The following CACNA1C variants were observed in gnomAD, a reference collection of about 807,000 sequenced individuals.
CACNA1C encodes the protein voltage-dependent L-type calcium channel subunit alpha-1C.
CACNA1C carries 30 observed loss-of-function variants against 229.0 expected under a neutral mutation model. That is an observed-to-expected ratio of 0.13 (90% CI 0.10 to 0.18). The LOEUF (loss-of-function observed/expected upper bound fraction) is 0.18. Ranked by LOEUF, CACNA1C falls within the 10% of genes least tolerant of loss-of-function variation. The probability of loss-of-function intolerance (pLI) is 1.00; values close to 1 mark genes in which losing one functional copy is unlikely to be tolerated. For missense variants in CACNA1C, 1,658 were observed against 2,845.0 expected (o/e 0.58, Z 9.49); for synonymous variants, 1,114 against 1,132.5 (o/e 0.98, Z 0.33).
At chr12:2,671,066 G>A (rs1329550141) in intron 38 of CACNA1C, among the ~76,000 whole-genome samples, 1 of 150,936 alleles carries the variant, frequency 6.6e-6, no homozygotes, top group Non-Finnish European at 1.5e-5. Flanking sequence ...CCAGGCTGGA[G>A]TGCAGTGGCA....
rs764364141 is a variant in CACNA1C at position 2,138,768 on chromosome 12, G to A, written c.477+18338G>A. On this transcript the variant is annotated intron_variant, in intron 3 of 46. Transcript: ENST00000399655. ...GATGCTAGAGCCATGCCTCTTGTGC[G>A]GCCTGCAGAACCGTGAGCCAAATAC... Among the ~76,000 whole-genome samples the A allele has an allele frequency of 2.6e-4, 40 of 151,170 alleles. 2 individuals are homozygous for A. Among genetic ancestry groups the A allele is most frequent in the Middle Eastern group, 3.4e-3 (1 of 294 alleles).
At chr12:2,637,642 C>T (rs1017470998) in intron 30 of CACNA1C, among the ~76,000 whole-genome samples, 8 of 152,258 alleles carry the variant, frequency 5.3e-5, no homozygotes, top group East Asian at 1.9e-4. Context: ...TAGATTCTGC[C>T]TCCAGGGCAT....
intron 10 of CACNA1C, among the ~76,000 whole-genome samples, chr12:2,552,291 G>A (rs1440968119): frequency 6.6e-6 from 1 of 151,110 alleles, no homozygotes; most frequent in Non-Finnish European, 1.5e-5. Context: ...TCTAGTGTGG[G>A]AGAGACACTA....
At position 2,577,187 on chromosome 12, in the gene CACNA1C, CTCTG is replaced by C. The variant is rs138208506; in HGVS notation, c.1896-4386_1896-4383del. Reference sequence around the variant, plus strand: ...AGACAAACAGCACAAACAACCATATCTCTGTCTGTCTGTCTGTCTGAGCCATGTT... The same window carrying C: ...AGACAAACAGCACAAACAACCATATCTCTGTCTGTCTGTCTGAGCCATGTT... On this transcript the variant is annotated intron_variant, in intron 13 of 46. Transcript: ENST00000399655. Among the ~76,000 whole-genome samples the C allele has an allele frequency of 6.5e-3, 985 of 152,342 alleles. 17 individuals are homozygous for C. Among genetic ancestry groups the C allele is most frequent in the African/African-American group, 0.022 (923 of 41,578 alleles).
At chr12:2,189,154 C>T (rs188622977) in intron 3 of CACNA1C, among the ~76,000 whole-genome samples, 12 of 147,894 alleles carry the variant, frequency 8.1e-5, no homozygotes, top group Admixed American at 2.7e-4. Flanking sequence ...AACAGCTCAG[C>T]TTTTCTAAGT....
chr12:2,551,274 C>T (rs2099901760), intron 10 of CACNA1C, among the ~76,000 whole-genome samples: 1 of 152,122 alleles, frequency 6.6e-6, no homozygotes, highest in African/African-American at 2.4e-5. Flanking sequence ...ACCAGGAAGT[C>T]ACTTGATAGT....
rs1350891020 is a variant in CACNA1C, at chr12:2,054,112, G to A, written c.49+501G>A. Among the ~76,000 whole-genome samples the A allele has an allele frequency of 2.0e-5, 3 of 150,436 alleles. No individual in the cohort carries two copies. Among genetic ancestry groups the A allele is most frequent in the African/African-American group, 7.3e-5 (3 of 41,222 alleles). On this transcript the variant is annotated intron_variant, in intron 1 of 46. Coordinates refer to ENST00000399655, the MANE Select transcript of CACNA1C (RefSeq NM_000719.7). This position sits in a 1 kb window ranked among gnomAD's most constrained non-coding sequence, Gnocchi z 5.5. The stretch of plus-strand genomic sequence containing the variant: ...CCCCTGGGGCGCCCTCGCGCTGCCC[G>A]GCGTCCACTCTCGTCCAGGCGCCCC...
At chr12:2,500,598 C>T (rs1456619300) in intron 7 of CACNA1C, among the ~76,000 whole-genome samples, 1 of 152,166 alleles carries the variant, frequency 6.6e-6, no homozygotes, top group Non-Finnish European at 1.5e-5. Context: ...GTCGTGGCCT[C>T]CTGGAACTGG....
chr12:2,559,101 CT>C (rs2046158412), intron 11 of CACNA1C, among the ~76,000 whole-genome samples: 3 of 152,190 alleles, frequency 2.0e-5, no homozygotes, highest in African/African-American at 7.2e-5. Flanking sequence ...AGACAATAGA[CT>C]TGACACAGAT....
At chr12:2,658,851 GC>G (rs2095558155) in intron 34 of CACNA1C, among the ~76,000 whole-genome samples, 1 of 150,520 alleles carries the variant, frequency 6.6e-6, no homozygotes, top group Non-Finnish European at 1.5e-5. Flanking sequence ...TTAACAAAAA[GC>G]TAAAATTAAA....
chr12:2,361,278 T>A (rs566292958), intron 3 of CACNA1C, among the ~76,000 whole-genome samples: 83 of 152,232 alleles, frequency 5.5e-4, no homozygotes, highest in African/African-American at 1.9e-3. Flanking sequence ...TAAGAAAAAT[T>A]GCTAGCTGAC....
chr12:2,301,366 T>C (rs1256484783), intron 3 of CACNA1C, among the ~76,000 whole-genome samples: 1 of 152,176 alleles, frequency 6.6e-6, no homozygotes, highest in African/African-American at 2.4e-5. Context: ...AATTCTGTGA[T>C]CAGGCAAGGT....
intron 3 of CACNA1C, among the ~76,000 whole-genome samples, chr12:2,440,038 C>T (rs1307604955): frequency 6.6e-6 from 1 of 152,192 alleles, no homozygotes; most frequent in Non-Finnish European, 1.5e-5. Flanking sequence ...TAGGCTCACC[C>T]TGCGCATCTG....
chr12:2,053,733 G>A lies in CACNA1C; in HGVS notation c.49+122G>A. On this transcript the variant is annotated intron_variant, in intron 1 of 46. Transcript: ENST00000399655. This position sits in a 1 kb window ranked among gnomAD's most constrained non-coding sequence, Gnocchi z 5.8. ...CGGAGTGGCCCGGGGCCGCGTCCGC[G>A]AGGGGCGCCTCCGCCTCGTCGGAGC... is the stretch of plus-strand genomic sequence containing the variant. 1 of 998,702 alleles carries A rather than the reference G, an allele frequency of 1.0e-6. No individual in the cohort carries two copies. The highest frequency in any genetic ancestry group is 1.3e-6 in the Non-Finnish European group (1 of 785,238). 61.9% of individuals were successfully genotyped at this position (998,702 alleles called of 1,614,324 possible).
At position 2,665,460 on chromosome 12, in the gene CACNA1C, G is replaced by A; in HGVS notation, c.4399-121G>A. 6 of 1,054,834 alleles carry A rather than the reference G, an allele frequency of 5.7e-6. No homozygotes were observed. The highest frequency in any genetic ancestry group is 4.3e-6 in the Non-Finnish European group (3 of 695,112). 65.3% of individuals were successfully genotyped at this position (1,054,834 alleles called of 1,614,324 possible). ...CCCAGGTTCTCAGGCTGGTAGGATG[G>A]ATGACTGGTCTTTAGAAATGTTGGC... is the stretch of plus-strand genomic sequence containing the variant. On this transcript the variant is annotated intron_variant, in intron 35 of 46. Transcript: ENST00000399655. The surrounding 1 kb of genome is among the most constrained non-coding windows in gnomAD (Gnocchi z 5.9).
chr12:1,988,461 G>T (rs1477429631), intron 1 of CACNA1C, among the ~76,000 whole-genome samples: 1 of 152,140 alleles, frequency 6.6e-6, no homozygotes, highest in Non-Finnish European at 1.5e-5. Context: ...CATTCTGCAG[G>T]GTGGGTCAAT....
chr12:2,457,107 T>C (rs1343422528), intron 4 of CACNA1C, among the ~76,000 whole-genome samples: 1 of 152,092 alleles, frequency 6.6e-6, no homozygotes, highest in East Asian at 1.9e-4. Context: ...ACAAAGGAGA[T>C]TTCCATGGGC....
At chr12:2,077,363 A>C (rs933946835) in intron 1 of CACNA1C, among the ~76,000 whole-genome samples, 1 of 152,136 alleles carries the variant, frequency 6.6e-6, no homozygotes, top group African/African-American at 2.4e-5. Context: ...TCCAAGGTAC[A>C]TAATGTTTTA....
chr12:2,574,233 T>C (rs1293382046), intron 13 of CACNA1C, among the ~76,000 whole-genome samples: 1 of 152,122 alleles, frequency 6.6e-6, no homozygotes, highest in Non-Finnish European at 1.5e-5. Flanking sequence ...CCCAGTACGG[T>C]GGGCCTTCCA....
Sources: gnomAD v4.1 joint callset for allele counts (sites outside exome capture counted in the v4.1 genomes callset) on GRCh38, gnomAD v4.1.1 for gene constraint, Gnocchi (gnomAD v3.1) non-coding constraint, MANE v1.5 for transcripts, NCBI Gene and HGNC (gene_info 2026-07-23, HGNC 2026-07-21) for gene names.